The following PARP1 variants were observed in gnomAD, a reference collection of about 807,000 sequenced individuals.
PARP1 encodes the protein poly [ADP-ribose] polymerase 1.
Under a neutral mutation model 118.7 loss-of-function variants are expected in PARP1, and 44 were observed. The ratio of observed to expected loss-of-function variants is 0.37; its 90% confidence interval spans 0.29 to 0.48. The LOEUF is 0.48. Among genes scored for constraint, PARP1 ranks in the 20% least tolerant of loss-of-function variants. PARP1 has a pLI of 0.99. For missense variants in PARP1, 1,100 were observed against 1,272.4 expected, an observed-to-expected ratio of 0.86 and a Z score of 2.06; for synonymous variants, 492 against 483.2, an observed-to-expected ratio of 1.02 and a Z score of -0.24.
chr1:226,391,789 C>T (rs1394163472), intron 3 of PARP1, among the ~76,000 whole-genome samples: 1 of 152,194 alleles, frequency 6.6e-6, no homozygotes, highest in Non-Finnish European at 1.5e-5. Context: ...GGCTGTCAGC[C>T]TTCAAGGGCT....
chr1:226,397,602 T>C (rs7542788), intron 2 of PARP1, among the ~76,000 whole-genome samples: 35,263 of 152,124 alleles, frequency 0.23, 4,964 homozygotes, highest in African/African-American at 0.39. Flanking sequence ...TGCTGTGTCA[T>C]GATACTTGTG....
rs374381502 is a variant in PARP1 at position 226,385,619 on chromosome 1, G to A, written c.896C>T (p.Ser299Leu). The change falls in exon 7 of 23, where the codon TCG becomes TTG. Residue 299 changes from serine (S) to leucine (L), a missense_variant. Around this residue, in one of 2 missense-constraint regions of PARP1, gnomAD observed 948 missense variants for 1,031.8 expected, o/e 0.92. Transcript: ENST00000366794. The part of the protein sequence containing the change: ...FGALLPCEEC[S>L]GQLVFKSDAY... ...ATCGCTCTTGAAGACCAGCTGACCC[G>A]AGCATTCCTCGCAGGGAAGGAGGGC... 74 of 1,614,122 alleles carry A rather than the reference G, an allele frequency of 4.6e-5. No individual in the cohort carries two copies. The highest frequency in any genetic ancestry group is 2.9e-4 in the East Asian group (13 of 44,878).
intron 19 of PARP1, 62 bp downstream of exon 19, chr1:226,364,940 T>C: frequency 6.3e-7 from 1 of 1,591,842 alleles, no homozygotes; most frequent in South Asian, 1.1e-5. Context: ...TTGCTCAAAG[T>C]TCTTTATGGA....
At chr1:226,391,751 C>T (rs762123935) in intron 3 of PARP1, among the ~76,000 whole-genome samples, 6 of 152,334 alleles carry the variant, frequency 3.9e-5, no homozygotes, top group Non-Finnish European at 8.8e-5. Context: ...TTCCCTTCTA[C>T]CTGTGTGTCC....
intron 13 of PARP1, among the ~76,000 whole-genome samples, chr1:226,376,739 AC>A (rs1309964376): frequency 1.3e-5 from 2 of 152,124 alleles, no homozygotes; most frequent in Admixed American, 1.3e-4. Flanking sequence ...TGTCGAACCA[AC>A]CTTACATTCC....
chr1:226,361,550 A>G lies in PARP1; in HGVS notation c.2964-9T>C. The G allele has an allele frequency of 1.3e-6, 2 of 1,591,760 alleles. No individual in the cohort carries two copies. Among genetic ancestry groups the G allele is most frequent in the Non-Finnish European group, 1.7e-6 (2 of 1,159,704 alleles). On this transcript the variant is annotated splice_polypyrimidine_tract_variant and intron_variant, in intron 22 of 22. Coordinates refer to ENST00000366794, the MANE Select transcript of PARP1 (RefSeq NM_001618.4). ...TATCATAGACAATGTACCTGAGGGG[A>G]AGCTTGTTAAGGAGCCAACAGCCAT... is the stretch of plus-strand genomic sequence containing the variant.
intron 19 of PARP1, among the ~76,000 whole-genome samples, 185 bp downstream of exon 19, chr1:226,364,817 T>C (rs1664224481): frequency 6.6e-6 from 1 of 152,232 alleles, no homozygotes; most frequent in Admixed American, 6.5e-5. Flanking sequence ...TCTGCCTCCT[T>C]TGTTCCAGAA....
intron 1 of PARP1, among the ~76,000 whole-genome samples, chr1:226,405,372 C>A (rs768737610): frequency 4.6e-5 from 7 of 152,184 alleles, no homozygotes; most frequent in Non-Finnish European, 1.0e-4. Context: ...GGCACTATCT[C>A]AGCTCACTGC....
At chr1:226,361,568 A>G (rs1359535009) in intron 22 of PARP1, 27 bp from the exon 23 acceptor site, 1 of 1,486,162 alleles carries the variant, frequency 6.7e-7, no homozygotes, top group South Asian at 1.1e-5. Flanking sequence ...TAAGGAGCCA[A>G]CAGCCATACA....
rs950299362 is a variant in PARP1, at chr1:226,368,135, C to T, written c.2277+64G>A. The T allele has an allele frequency of 1.6e-5, 26 of 1,604,112 alleles. 1 individual carries two copies. Among genetic ancestry groups the T allele is most frequent in the South Asian group, 7.7e-5 (7 of 90,808 alleles). On this transcript the variant is annotated intron_variant, in intron 16 of 22. Transcript: ENST00000366794. The stretch of plus-strand genomic sequence containing the variant: ...CCTCAGGGATCATGATGGGGAGGGA[C>T]GGCTGCAAGGTAGTCACACCCCAGC...
intron 14 of PARP1, among the ~76,000 whole-genome samples, chr1:226,373,303 T>A (rs1410581917): frequency 2.0e-5 from 3 of 152,210 alleles, no homozygotes; most frequent in Non-Finnish European, 4.4e-5. Context: ...CTCCACTGGT[T>A]CCTAGGAGCC....
intron 6 of PARP1, 71 bp from the exon 7 acceptor site, chr1:226,385,751 A>T: frequency 7.3e-7 from 1 of 1,365,466 alleles, no homozygotes. Flanking sequence ...CTAATGTGGG[A>T]TGGAGGAACT....
At position 226,401,508 on chromosome 1, in the gene PARP1, G is replaced by A. The variant is rs75917670; in HGVS notation, c.286+706C>T. Among the ~76,000 whole-genome samples the A allele has an allele frequency of 2.6e-3, 398 of 152,346 alleles. 5 individuals are homozygous for A. Among genetic ancestry groups the A allele is most frequent in the East Asian group, 9.1e-3 (47 of 5,186 alleles). Reference sequence around the variant, plus strand: ...CATCAGATTGTTGTCACAGAAAGGGGTGGTAACTTCCGGGTATTGCCATGG... The same window carrying A: ...CATCAGATTGTTGTCACAGAAAGGGATGGTAACTTCCGGGTATTGCCATGG... On this transcript the variant is annotated intron_variant, in intron 2 of 22. Transcript: ENST00000366794.
chr1:226,407,300 C>T (rs1054886488), intron 1 of PARP1, among the ~76,000 whole-genome samples: 11 of 151,564 alleles, frequency 7.3e-5, no homozygotes, highest in Admixed American at 7.2e-4. Context: ...CTGCATAGTT[C>T]TGCCTAATTA....
At position 226,390,498 on chromosome 1, in the gene PARP1, T is replaced by G. The variant is rs1165531868; in HGVS notation, c.529A>C (p.Ser177Arg). 1 of 1,614,084 alleles carries G rather than the reference T, an allele frequency of 6.2e-7. No homozygotes were observed. The highest frequency in any genetic ancestry group is 8.5e-7 in the Non-Finnish European group (1 of 1,180,046). ...REELGFRPEY[S>R]ASQLKGFSLL... The stretch of plus-strand genomic sequence containing the variant: ...CTGAAGCCCTTGAGCTGACTCGCAC[T>G]GTACTCGGGCCGGAAACCCAGCTCC... The change falls in exon 4 of 23, where the codon AGT becomes CGT. Residue 177 changes from serine to arginine, a missense_variant. Ser to Arg is a moderately radical substitution (Grantham distance 110). Transcript: ENST00000366794.
chr1:226,365,352 T>G (rs1664236587), intron 18 of PARP1, among the ~76,000 whole-genome samples, 198 bp from the exon 19 acceptor site: 1 of 152,230 alleles, frequency 6.6e-6, no homozygotes, highest in African/African-American at 2.4e-5. Context: ...GCCCAGCCAT[T>G]GCTGGTTAGT....
At chr1:226,362,845 C>T (rs1328717028) in intron 21 of PARP1, among the ~76,000 whole-genome samples, 2 of 121,928 alleles carry the variant, frequency 1.6e-5, no homozygotes, top group East Asian at 4.2e-4. Flanking sequence ...TGCTATAGAG[C>T]TTGCCTATTT....
chr1:226,392,855 G>A, intron 2 of PARP1: 1 of 1,423,392 alleles, frequency 7.0e-7, no homozygotes, highest in African/African-American at 1.5e-5. Flanking sequence ...CTAGCCATTT[G>A]GGACAAAAAC....
intron 2 of PARP1, chr1:226,401,936 T>C: frequency 7.0e-7 from 1 of 1,423,144 alleles, no homozygotes; most frequent in Non-Finnish European, 9.2e-7. Flanking sequence ...CTTTGTTCTT[T>C]GCTTACTTTT....
Sources: allele counts gnomAD v4.1 joint callset (sites outside exome capture counted in the v4.1 genomes callset), GRCh38; gene constraint gnomAD v4.1.1; regional missense constraint gnomAD v4.1.1; transcripts MANE v1.5; gene names NCBI Gene and HGNC (gene_info 2026-07-23, HGNC 2026-07-21).